MCC: variants seen among roughly 807,000 people sequenced by gnomAD.
MCC encodes the protein colorectal mutant cancer protein.
A neutral mutation model predicts 116.2 loss-of-function variants in MCC; 90 were observed. The observed-to-expected ratio is 0.77, with a 90% CI of 0.65 to 0.92. The LOEUF is 0.92. Among genes scored for constraint, MCC ranks in the 40% least tolerant of loss-of-function variants. The pLI is 0.00. For synonymous variants in MCC, 578 were observed against 510.5 expected (o/e 1.13, Z -1.78); for missense variants, 1,516 against 1,312.2 (o/e 1.16, Z -2.40).
intron 3 of MCC, among the ~76,000 whole-genome samples, chr5:113,196,568 C>T (rs191023641): frequency 9.1e-4 from 138 of 152,250 alleles, no homozygotes; most frequent in Middle Eastern, 3.4e-3. Flanking sequence ...AAAAAATACT[C>T]GGTCGGGCGC....
chr5:113,076,141 A>T (rs4705773), intron 11 of MCC, among the ~76,000 whole-genome samples: 147,208 of 152,246 alleles, frequency 0.97, 71,350 homozygotes, highest in East Asian at 1. Context: ...ACCCACCAAT[A>T]CTGGACACAG....
At chr5:113,429,991 A>G (rs1217433145) in intron 1 of MCC, among the ~76,000 whole-genome samples, 4 of 152,174 alleles carry the variant, frequency 2.6e-5, no homozygotes, top group African/African-American at 7.2e-5. Flanking sequence ...CTGTGATCTA[A>G]GCAACTGCCA....
chr5:113,163,942 A>G (rs556948544), intron 3 of MCC, among the ~76,000 whole-genome samples: 6 of 152,352 alleles, frequency 3.9e-5, no homozygotes, highest in African/African-American at 1.4e-4. Context: ...GTGTGATTAC[A>G]GATGATTTTC....
chr5:113,450,349 T>A (rs1771355621), intron 1 of MCC, among the ~76,000 whole-genome samples: 1 of 152,196 alleles, frequency 6.6e-6, no homozygotes, highest in Non-Finnish European at 1.5e-5. Flanking sequence ...AGGACAAAAG[T>A]GAACTCCATT....
chr5:113,181,969 C>T (rs1761652142), intron 3 of MCC, among the ~76,000 whole-genome samples: 1 of 152,138 alleles, frequency 6.6e-6, no homozygotes, highest in Admixed American at 6.5e-5. Flanking sequence ...ATCAGCATCA[C>T]TTGTTCCTTC....
intron 3 of MCC, among the ~76,000 whole-genome samples, chr5:113,252,504 C>T (rs1453316096): frequency 6.6e-6 from 1 of 152,180 alleles, no homozygotes; most frequent in Admixed American, 6.5e-5. Context: ...GCCATCACCC[C>T]CAGATGGGAC....
At chr5:113,331,880 C>T (rs1388006557) in intron 3 of MCC, among the ~76,000 whole-genome samples, 3 of 151,668 alleles carry the variant, frequency 2.0e-5, no homozygotes, top group Non-Finnish European at 2.9e-5. Flanking sequence ...TCAGGTGATC[C>T]GCCCACCTCG....
intron 1 of MCC, among the ~76,000 whole-genome samples, chr5:113,459,145 G>GTGTGTC (rs1771669022): frequency 7.0e-6 from 1 of 142,250 alleles, no homozygotes; most frequent in Non-Finnish European, 1.5e-5. Flanking sequence ...GTGTGTGTGT[G>GTGTGTC]TGTGTGTGTG....
intron 3 of MCC, among the ~76,000 whole-genome samples, chr5:113,226,063 C>T (rs973735832): frequency 1.6e-4 from 24 of 152,250 alleles, no homozygotes; most frequent in African/African-American, 5.5e-4. Context: ...GTAATTCCAG[C>T]TACACAGGGG....
At chr5:113,379,185 G>A (rs1162513856) in intron 2 of MCC, among the ~76,000 whole-genome samples, 4 of 152,134 alleles carry the variant, frequency 2.6e-5, no homozygotes, top group African/African-American at 7.2e-5. Flanking sequence ...TGCTCATCAC[G>A]TCAGTTTTCT....
chr5:113,379,025 G>T (rs1023928755), intron 2 of MCC, among the ~76,000 whole-genome samples: 2 of 152,132 alleles, frequency 1.3e-5, no homozygotes, highest in African/African-American at 4.8e-5. Flanking sequence ...CAACTGTTCT[G>T]GTATAATGTA....
chr5:113,106,496 C>T (rs1034022559), intron 6 of MCC, among the ~76,000 whole-genome samples: 4 of 152,138 alleles, frequency 2.6e-5, no homozygotes, highest in African/African-American at 9.7e-5. Context: ...CTTTCCTTTG[C>T]TGTTTCCTTT....
At position 113,029,010 on chromosome 5, in the gene MCC, C is replaced by T. The variant is rs537298692; in HGVS notation, c.2803G>A (p.Glu935Lys). The change falls in exon 18 of 19, where the codon GAG becomes AAG. Residue 935 changes from glutamate to lysine, a missense_variant. Coordinates refer to ENST00000408903, the MANE Select transcript of MCC (RefSeq NM_001085377.2). ...ARVQELVSAL[E>K]RLTKSSEIRH... is the part of the protein sequence containing the mutation. ...ATTTCACTGCTCTTGGTGAGTCTCT[C>T]CAAGGCACTCACCAGCTCTTGAACT... 1 of 1,613,620 alleles carries T rather than the reference C, an allele frequency of 6.2e-7. No individual in the cohort carries two copies.
intron 3 of MCC, among the ~76,000 whole-genome samples, chr5:113,159,211 C>T (rs568359432): frequency 3.2e-4 from 49 of 152,278 alleles, no homozygotes; most frequent in African/African-American, 1.1e-3. Flanking sequence ...TGGTTTTAAA[C>T]TTGTAACATG....
At chr5:113,123,201 C>CT (rs1561375297) in intron 5 of MCC, among the ~76,000 whole-genome samples, 1 of 152,210 alleles carries the variant, frequency 6.6e-6, no homozygotes, top group African/African-American at 2.4e-5. Flanking sequence ...AAGAGTCTAG[C>CT]GCACAGCAAC....
intron 3 of MCC, among the ~76,000 whole-genome samples, chr5:113,276,286 G>T (rs1765822734): frequency 6.6e-6 from 1 of 152,118 alleles, no homozygotes; most frequent in South Asian, 2.1e-4. Flanking sequence ...AACAACAGAT[G>T]GTCCTAATTT....
chr5:113,132,602 G>A (rs908968545), intron 5 of MCC, among the ~76,000 whole-genome samples: 10 of 151,844 alleles, frequency 6.6e-5, no homozygotes, highest in African/African-American at 2.4e-4. Context: ...TATTTGTTTG[G>A]CTAGCATCTC....
At chr5:113,075,797 T>C (rs891440648) in intron 11 of MCC, among the ~76,000 whole-genome samples, 1 of 152,126 alleles carries the variant, frequency 6.6e-6, no homozygotes, top group African/African-American at 2.4e-5. Context: ...TCACAATAAA[T>C]CTTGCTGCTG....
chr5:113,059,017 C>G (rs183420969), intron 14 of MCC, among the ~76,000 whole-genome samples: 1 of 152,162 alleles, frequency 6.6e-6, no homozygotes, highest in Non-Finnish European at 1.5e-5. Context: ...AGCCCTAACA[C>G]GAACGCAGGC....
Sources: allele counts gnomAD v4.1 joint callset (sites outside exome capture counted in the v4.1 genomes callset), GRCh38; gene constraint gnomAD v4.1.1; transcripts MANE v1.5; gene names NCBI Gene and HGNC (gene_info 2026-07-23, HGNC 2026-07-21).